Variants in ME1 observed in about 807,000 individuals in gnomAD.
ME1 encodes the protein NADP-dependent malic enzyme.
Under a neutral mutation model 66.4 loss-of-function variants are expected in ME1, and 74 were observed. The ratio of observed to expected loss-of-function variants is 1.11; its 90% CI spans 0.92 to 1.35. The LOEUF (loss-of-function observed/expected upper bound fraction) is 1.35. Ranked by LOEUF, ME1 falls within the 40% of genes most tolerant of loss-of-function variation. The pLI is 0.00. For missense variants in ME1, 750 were observed against 694.1 expected (o/e 1.08, Z -0.90); for synonymous variants, 251 against 235.6 (o/e 1.07, Z -0.60).
chr6:83,300,960 A>C (rs1767703986), intron 6 of ME1, among the ~76,000 whole-genome samples: 2 of 152,054 alleles, frequency 1.3e-5, no homozygotes, highest in Admixed American at 1.3e-4. Context: ...AAAACCAAAC[A>C]CTGCGTGTTC....
intron 3 of ME1, among the ~76,000 whole-genome samples, chr6:83,383,589 T>C (rs1377331368): frequency 2.0e-5 from 3 of 151,888 alleles, no homozygotes; most frequent in Admixed American, 6.6e-5. Context: ...ATTTGGCACG[T>C]TGACAATAAA....
chr6:83,310,210 C>G (rs1767905270), intron 6 of ME1, among the ~76,000 whole-genome samples: 1 of 152,152 alleles, frequency 6.6e-6, no homozygotes, highest in African/African-American at 2.4e-5. Flanking sequence ...GACCTATGCT[C>G]TTTCCCAGAG....
rs770202820 is a variant in ME1 at position 83,430,935 on chromosome 6, CG to C, written c.19del (p.Arg7ValfsTer12). MEPEAP[R>X]RRHTHQRGYL... ...GCCGCGCTGATGGGTGTGGCGGCGACGGGGGGCTTCGGGCTCCATGGCTGGC... is the reference window on the plus strand; with the variant it reads ...GCCGCGCTGATGGGTGTGGCGGCGACGGGGGCTTCGGGCTCCATGGCTGGC... On this transcript the variant is annotated frameshift_variant, in exon 1 of 14. Transcript: ENST00000369705. LOFTEE classifies it high-confidence loss of function. 1.0e-5 allele frequency: 16 copies of C among 1,587,778 alleles called. No homozygotes were observed. Among genetic ancestry groups the C allele is most frequent in the South Asian group, 3.4e-5 (3 of 88,184 alleles).
At chr6:83,262,744 A>G (rs1766921530) in intron 6 of ME1, among the ~76,000 whole-genome samples, 1 of 152,208 alleles carries the variant, frequency 6.6e-6, no homozygotes. Context: ...CCAGAAAAAT[A>G]TATGGTAGTG....
intron 3 of ME1, among the ~76,000 whole-genome samples, chr6:83,371,035 T>C (rs186731412): frequency 9.2e-5 from 14 of 152,298 alleles, no homozygotes; most frequent in Admixed American, 9.2e-4. Flanking sequence ...ACATGAAATT[T>C]ACCTGTGCTG....
At chr6:83,373,417 T>G (rs1027475049) in intron 3 of ME1, among the ~76,000 whole-genome samples, 1 of 151,924 alleles carries the variant, frequency 6.6e-6, no homozygotes, top group African/African-American at 2.4e-5. Context: ...GTATTTTTAG[T>G]AGAGATGGGG....
rs528766157 is a variant in ME1 at position 83,295,450 on chromosome 6, T to C, written c.704+19860A>G. Among the ~76,000 whole-genome samples the C allele has an allele frequency of 7.2e-5, 11 of 152,268 alleles. No homozygotes were observed. The East Asian group carries it at 1.7e-3, about 24-fold the overall frequency. ...GAAATGACAGAAATAAAATTCAGAA[T>C]ATGGATAGGAATGAAGATCATTGAA... On this transcript the variant is annotated intron_variant, in intron 6 of 13. Coordinates refer to ENST00000369705, the MANE Select transcript of ME1 (RefSeq NM_002395.6).
intron 3 of ME1, among the ~76,000 whole-genome samples, chr6:83,356,555 T>G (rs1768894449): frequency 6.6e-6 from 1 of 152,128 alleles, no homozygotes; most frequent in Non-Finnish European, 1.5e-5. Flanking sequence ...CATTACAAAT[T>G]AGTACCCACA....
intron 6 of ME1, among the ~76,000 whole-genome samples, chr6:83,276,461 C>T (rs1030970595): frequency 4.6e-5 from 7 of 152,152 alleles, no homozygotes; most frequent in Non-Finnish European, 1.0e-4. Flanking sequence ...CAGCAAAGAC[C>T]TCCACATTAA....
chr6:83,396,294 G>T (rs1769730091), intron 3 of ME1, among the ~76,000 whole-genome samples: 1 of 152,028 alleles, frequency 6.6e-6, no homozygotes, highest in Non-Finnish European at 1.5e-5. Flanking sequence ...AACCCAGGAG[G>T]CAAAGGTTGC....
intron 1 of ME1, among the ~76,000 whole-genome samples, chr6:83,418,253 T>C (rs897415401): frequency 6.6e-6 from 1 of 152,172 alleles, no homozygotes. Context: ...TTGGCTCACA[T>C]GATTATGGAG....
intron 3 of ME1, among the ~76,000 whole-genome samples, chr6:83,357,935 C>CTCTCTCTCTCTCTCTATA (rs1447805761): frequency 6.7e-5 from 2 of 30,040 alleles, no homozygotes; most frequent in Non-Finnish European, 1.2e-4. Flanking sequence ...CTCTCTCTCT[C>CTCTCTCTCTCTCTCTATA]TATATATATA....
In ME1 at chr6:83,352,082, C is replaced by G. The variant is rs1178706352; in HGVS notation, c.420G>C (p.Trp140Cys). The change falls in exon 4 of 14, where the codon TGG (tryptophan) becomes TGC (cysteine). Residue 140 changes from tryptophan to cysteine, a missense_variant. Coordinates refer to ENST00000369705, the MANE Select transcript of ME1 (RefSeq NM_002395.6). ...AACTTACCTTGATGACATCTTCTGG[C>G]CATGCATTGAGAACTGAAGCAATAT... ...RGHIASVLNAWPEDVIKAIVV... is the reference protein window; with the variant it reads ...RGHIASVLNACPEDVIKAIVV... The G allele has an allele frequency of 6.3e-7, 1 of 1,598,916 alleles. No homozygotes were observed. The highest frequency in any genetic ancestry group is 1.4e-5 in the African/African-American group (1 of 73,498).
chr6:83,214,371 A>G (rs1789952492), intron 13 of ME1, among the ~76,000 whole-genome samples: 1 of 152,170 alleles, frequency 6.6e-6, no homozygotes, highest in Admixed American at 6.5e-5. Flanking sequence ...CTGCCTTCTG[A>G]ACCTCCTGTA....
intron 11 of ME1, 21 bp downstream of exon 11, chr6:83,227,314 T>G (rs1160309984): frequency 1.4e-6 from 2 of 1,451,832 alleles, no homozygotes; most frequent in South Asian, 1.5e-5. Context: ...TATTAAAATA[T>G]CTGTTATAGT....
intron 6 of ME1, among the ~76,000 whole-genome samples, chr6:83,284,392 G>T (rs1257735820): frequency 6.6e-6 from 1 of 151,978 alleles, no homozygotes; most frequent in African/African-American, 2.4e-5. Flanking sequence ...AACTCATTCT[G>T]TGAAGCCAGC....
At chr6:83,400,938 T>G (rs1330069839) in intron 2 of ME1, among the ~76,000 whole-genome samples, 1 of 152,182 alleles carries the variant, frequency 6.6e-6, no homozygotes, top group Non-Finnish European at 1.5e-5. Context: ...TTCCTCAGAT[T>G]TCTTCATGGC....
At chr6:83,281,879 CA>C (rs1325626279) in intron 6 of ME1, among the ~76,000 whole-genome samples, 1 of 44,184 alleles carries the variant, frequency 2.3e-5, no homozygotes, top group Non-Finnish European at 5.2e-5. Flanking sequence ...GAGAAAAAAA[CA>C]GAAAACCAAA....
At chr6:83,421,399 G>C (rs1212717880) in intron 1 of ME1, among the ~76,000 whole-genome samples, 1 of 152,168 alleles carries the variant, frequency 6.6e-6, no homozygotes, top group Non-Finnish European at 1.5e-5. Flanking sequence ...CTGAGGGTCT[G>C]GTTCTGTGCA....
Sources: allele counts gnomAD v4.1 joint callset (sites outside exome capture counted in the v4.1 genomes callset), GRCh38; gene constraint gnomAD v4.1.1; transcripts MANE v1.5; gene names NCBI Gene and HGNC (gene_info 2026-07-23, HGNC 2026-07-21).